SLCO3A1: variants seen among roughly 807,000 people sequenced by gnomAD.
SLCO3A1 encodes solute carrier organic anion transporter family member 3A1.
SLCO3A1 carries 27 observed loss-of-function variants against 63.1 expected under a neutral mutation model. The observed-to-expected ratio is 0.43, with a 90% CI of 0.32 to 0.59. The LOEUF is 0.59. Ranked by LOEUF, SLCO3A1 falls within the 20% of genes least tolerant of loss-of-function variation. The pLI is 0.09. For synonymous variants in SLCO3A1, 473 were observed against 409.9 expected, an observed-to-expected ratio of 1.15 and a Z score of -1.86; for missense variants, 773 against 945.8, an observed-to-expected ratio of 0.82 and a Z score of 2.40.
At chr15:92,011,591 A>G (rs2046369698) in intron 2 of SLCO3A1, among the ~76,000 whole-genome samples, 1 of 152,176 alleles carries the variant, frequency 6.6e-6, no homozygotes, top group South Asian at 2.1e-4. Flanking sequence ...CACTTCCTTG[A>G]CAGTTATTCT....
intron 1 of SLCO3A1, among the ~76,000 whole-genome samples, chr15:91,871,764 G>GT (rs1368889555): frequency 9.6e-4 from 34 of 35,298 alleles, no homozygotes; most frequent in East Asian, 2.6e-3. Context: ...GTTTTTTTTT[G>GT]GTTTTTTTTT....
In SLCO3A1 at chr15:91,916,674, C is replaced by A. The variant is rs536208170; in HGVS notation, c.646+216C>A. ...ATTCTTGTGAGCGGCCGAATTTGAG[C>A]TCCACGGGGCTAGACCACTAACACC... On this transcript the variant is annotated intron_variant, in intron 2 of 9. Transcript: ENST00000318445. The surrounding 1 kb of genome is among the most constrained non-coding windows in gnomAD (Gnocchi z 6.2). 6.6e-6 allele frequency among the ~76,000 whole-genome samples: 1 copy of A among 152,310 alleles called. No individual in the cohort carries two copies. The highest frequency in any genetic ancestry group is 2.1e-4 in the South Asian group (1 of 4,834).
chr15:91,990,970 G>A, intron 2 of SLCO3A1, among the ~76,000 whole-genome samples: 1 of 152,182 alleles, frequency 6.6e-6, no homozygotes, highest in East Asian at 1.9e-4. Flanking sequence ...AGCAAAGCGG[G>A]CACTTCCTAC....
In SLCO3A1 at chr15:92,131,457, C is replaced by T. The variant is rs1218430473; in HGVS notation, c.1512+2968C>T. The stretch of plus-strand genomic sequence containing the variant: ...TCGGCTCACTGCAACCTCTGCCTCC[C>T]GGGTTCAAGTGATTCTCCTGCCTCA... On this transcript the variant is annotated intron_variant, in intron 7 of 9. Transcript: ENST00000318445. 7.2e-5 allele frequency among the ~76,000 whole-genome samples: 9 copies of T among 124,832 alleles called. 2 individuals carry two copies. The highest frequency in any genetic ancestry group is 1.7e-4 in the Non-Finnish European group (9 of 53,990). The allele number at this position is 124,832 out of a possible 152,430, so 81.9% of individuals were successfully genotyped here.
chr15:92,151,800 G>T (rs989006295), intron 9 of SLCO3A1, among the ~76,000 whole-genome samples: 1 of 152,188 alleles, frequency 6.6e-6, no homozygotes, highest in Admixed American at 6.5e-5. Context: ...ATGTAGAAAG[G>T]AAAACAACCA....
intron 1 of SLCO3A1, among the ~76,000 whole-genome samples, chr15:91,898,794 T>C (rs1898075874): frequency 6.6e-6 from 1 of 152,216 alleles, no homozygotes; most frequent in African/African-American, 2.4e-5. Flanking sequence ...TAGAGAGATT[T>C]ACATTTTATT....
At chr15:91,963,322 G>A (rs1223667395) in intron 2 of SLCO3A1, among the ~76,000 whole-genome samples, 1 of 148,642 alleles carries the variant, frequency 6.7e-6, no homozygotes, top group Non-Finnish European at 1.5e-5. Flanking sequence ...TGCTGAGACA[G>A]TTATTATGGA....
At chr15:92,027,602 C>T (rs567189280) in intron 2 of SLCO3A1, among the ~76,000 whole-genome samples, 115 of 152,294 alleles carry the variant, frequency 7.6e-4, no homozygotes, top group African/African-American at 2.6e-3. Flanking sequence ...ACAGTTTGCT[C>T]CCGACGCATG....
chr15:92,016,800 T>C (rs1387663409), intron 2 of SLCO3A1, among the ~76,000 whole-genome samples: 1 of 151,068 alleles, frequency 6.6e-6, no homozygotes, highest in Non-Finnish European at 1.5e-5. Context: ...GAGGGAAAGA[T>C]TGGGGGAGGA....
At chr15:92,026,320 G>C (rs2046573363) in intron 2 of SLCO3A1, among the ~76,000 whole-genome samples, 1 of 152,230 alleles carries the variant, frequency 6.6e-6, no homozygotes, top group South Asian at 2.1e-4. Context: ...GCAGGTGTGT[G>C]TTCCTTGTCT....
At chr15:92,052,058 A>G (rs541667364) in intron 2 of SLCO3A1, among the ~76,000 whole-genome samples, 36 of 152,274 alleles carry the variant, frequency 2.4e-4, no homozygotes, top group Non-Finnish European at 4.3e-4. Flanking sequence ...TCTCGAATTC[A>G]GAGCAAAAGT....
In SLCO3A1 at chr15:91,854,137, C is replaced by T; in HGVS notation, c.180+49C>T. ...CGCGGGCCCCTTCCCCAGCCCGGCT[C>T]TCGAGCGGCCGCCTGGCCCGACGAG... is the stretch of plus-strand genomic sequence containing the variant. On this transcript the variant is annotated intron_variant, in intron 1 of 9. Coordinates refer to ENST00000318445, the MANE Select transcript of SLCO3A1 (RefSeq NM_013272.4). The surrounding 1 kb of genome is among the most constrained non-coding windows in gnomAD (Gnocchi z 6.4). 7.4e-7 allele frequency: 1 copy of T among 1,355,322 alleles called. No homozygotes were observed. The highest frequency in any genetic ancestry group is 9.6e-7 in the Non-Finnish European group (1 of 1,044,080). The allele number at this position is 1,355,322 out of a possible 1,614,324, so 84.0% of individuals were successfully genotyped here. A position where few individuals can be genotyped will look rare whatever the true frequency, so the allele number is the denominator to read the frequency against.
At chr15:92,149,936 A>G (rs1429717885) in intron 8 of SLCO3A1, among the ~76,000 whole-genome samples, 5 of 152,144 alleles carry the variant, frequency 3.3e-5, no homozygotes, top group African/African-American at 1.2e-4. Flanking sequence ...GGAGCTGATA[A>G]TAGCTTTGAA....
chr15:91,996,107 T>TA (rs2046188938), intron 2 of SLCO3A1, among the ~76,000 whole-genome samples: 1 of 152,108 alleles, frequency 6.6e-6, no homozygotes, highest in African/African-American at 2.4e-5. Context: ...TTATCAATGT[T>TA]AAAAAAGAGA....
rs1215237825 is a variant in SLCO3A1 at position 92,165,151 on chromosome 15, C to A, written c.*2016C>A. 1.0e-6 allele frequency: 1 copy of A among 985,350 alleles called. No individual in the cohort carries two copies. Among genetic ancestry groups the A allele is most frequent in the South Asian group, 4.7e-5 (1 of 21,284 alleles). The allele number at this position is 985,350 out of a possible 1,614,324, so 61.0% of individuals were successfully genotyped here. A position where few individuals can be genotyped will look rare whatever the true frequency, so the allele number is the denominator to read the frequency against. On this transcript the variant is annotated 3_prime_UTR_variant, in exon 10 of 10. Transcript: ENST00000318445. ...AGAGAAGGCACTCAGCAAGACCAACCAAAAGAAAAGCTGTGTCGTGGTATG... is the reference window on the plus strand; with the variant it reads ...AGAGAAGGCACTCAGCAAGACCAACAAAAAGAAAAGCTGTGTCGTGGTATG...
chr15:91,877,750 G>A (rs2151340270), intron 1 of SLCO3A1, among the ~76,000 whole-genome samples: 1 of 152,030 alleles, frequency 6.6e-6, no homozygotes, highest in East Asian at 1.9e-4. Flanking sequence ...GGAGTTACAG[G>A]TTTTTGCAAA....
chr15:91,871,765 G>GTTTTTTTTTTTTTTT (rs33938693), intron 1 of SLCO3A1, among the ~76,000 whole-genome samples: 2 of 45,688 alleles, frequency 4.4e-5, no homozygotes, highest in African/African-American at 9.1e-5. Flanking sequence ...TTTTTTTTTG[G>GTTTTTTTTTTTTTTT]TTTTTTTTTT....
chr15:91,895,285 A>G (rs1168639965), intron 1 of SLCO3A1, among the ~76,000 whole-genome samples: 1 of 152,154 alleles, frequency 6.6e-6, no homozygotes, highest in Non-Finnish European at 1.5e-5. Flanking sequence ...TAATATGATG[A>G]TCAGTTTCAG....
In SLCO3A1 at chr15:91,856,950, A is replaced by T. The variant is rs1010360628; in HGVS notation, c.180+2862A>T. 6.6e-6 allele frequency among the ~76,000 whole-genome samples: 1 copy of T among 151,978 alleles called. No individual in the cohort carries two copies. Among genetic ancestry groups the T allele is most frequent in the Non-Finnish European group, 1.5e-5 (1 of 67,992 alleles). On this transcript the variant is annotated intron_variant, in intron 1 of 9. Coordinates refer to ENST00000318445, the MANE Select transcript of SLCO3A1 (RefSeq NM_013272.4). This position sits in a 1 kb window ranked among gnomAD's most constrained non-coding sequence, Gnocchi z 4.9. ...CAAATTTCTCAGTGTCCTGAATGAC[A>T]CTAGTGTAGGCTTCCCAACTGCAGA... is the stretch of plus-strand genomic sequence containing the variant.
Sources: allele counts gnomAD v4.1 joint callset (sites outside exome capture counted in the v4.1 genomes callset), GRCh38; gene constraint gnomAD v4.1.1; non-coding constraint Gnocchi (gnomAD v3.1); transcripts MANE v1.5; gene names NCBI Gene and HGNC (gene_info 2026-07-23, HGNC 2026-07-21).